Variants in ZNF25 observed in about 807,000 individuals in gnomAD.
ZNF25 encodes zinc finger protein 25 (KOX 19).
Under a neutral mutation model 30.9 loss-of-function variants are expected in ZNF25, and 21 were observed. The observed-to-expected ratio is 0.68, with a 90% CI of 0.48 to 0.98. The LOEUF is 0.98. Among genes scored for constraint, ZNF25 ranks in the 50% least tolerant of loss-of-function variants. The pLI is 0.00. For synonymous variants in ZNF25, 169 were observed against 181.3 expected (o/e 0.93, Z 0.55); for missense variants, 501 against 529.9 (o/e 0.95, Z 0.54).
intron 3 of ZNF25, 45 bp from the exon 4 acceptor site, chr10:37,957,160 T>A: frequency 1.3e-6 from 2 of 1,562,730 alleles, no homozygotes; most frequent in South Asian, 2.2e-5. Flanking sequence ...TTGCTTGGAA[T>A]TTAGGGACTG....
At chr10:37,968,450 G>A (rs1242889723) in intron 2 of ZNF25, among the ~76,000 whole-genome samples, 1 of 150,934 alleles carries the variant, frequency 6.6e-6, no homozygotes, top group African/African-American at 2.4e-5. Context: ...CCACCTCCTC[G>A]GTTCAAGTGA....
intron 4 of ZNF25, among the ~76,000 whole-genome samples, chr10:37,954,803 A>C (rs975487684): frequency 2.3e-4 from 35 of 152,326 alleles, no homozygotes; most frequent in Admixed American, 2.0e-3. Flanking sequence ...GGAATACATA[A>C]GAAAAGTCAC....
intron 2 of ZNF25, among the ~76,000 whole-genome samples, chr10:37,963,143 G>A (rs2062985887): frequency 6.7e-6 from 1 of 150,058 alleles, no homozygotes; most frequent in Non-Finnish European, 1.5e-5. Context: ...TTGAGACAGA[G>A]TCTTGCTCTG....
chr10:37,957,027 G>GC lies in ZNF25; in HGVS notation c.230dup (p.Phe78LeufsTer3). The GC allele has an allele frequency of 6.2e-7, 1 of 1,613,480 alleles. No individual in the cohort carries two copies. The highest frequency in any genetic ancestry group is 8.5e-7 in the Non-Finnish European group (1 of 1,179,710). Reference sequence around the variant, plus strand: ...TAATTTCTTCTAACTCACCAGGGAAGCCCCGATGTGGAAATTCTACTTCTA... The same window carrying GC: ...TAATTTCTTCTAACTCACCAGGGAAGCCCCCGATGTGGAAATTCTACTTCTA... On this transcript the variant is annotated frameshift_variant, in exon 4 of 6. Coordinates refer to ENST00000302609, the MANE Select transcript of ZNF25 (RefSeq NM_145011.4). LOFTEE classifies it high-confidence loss of function.
At chr10:37,974,222 A>G (rs992474303) in intron 1 of ZNF25, among the ~76,000 whole-genome samples, 9 of 152,168 alleles carry the variant, frequency 5.9e-5, no homozygotes, top group Non-Finnish European at 1.2e-4. Flanking sequence ...CTCGGCAAAA[A>G]TTTTTTGGTA....
chr10:37,969,532 A>T (rs188885484), intron 2 of ZNF25, among the ~76,000 whole-genome samples: 56 of 152,346 alleles, frequency 3.7e-4, no homozygotes, highest in Non-Finnish European at 5.3e-4. Flanking sequence ...CTAATGTATG[A>T]TCTCACTTAC....
intron 2 of ZNF25, among the ~76,000 whole-genome samples, chr10:37,968,319 G>A (rs1286417411): frequency 9.3e-5 from 14 of 150,688 alleles, no homozygotes; most frequent in Non-Finnish European, 2.1e-4. Flanking sequence ...GCCTCCCAAA[G>A]TGTTGAGATT....
chr10:37,952,042 A>C lies in ZNF25; in HGVS notation c.*85T>G. The C allele has an allele frequency of 7.6e-7, 1 of 1,308,476 alleles. No individual in the cohort carries two copies. The highest frequency in any genetic ancestry group is 1.0e-6 in the Non-Finnish European group (1 of 957,856). The allele number at this position is 1,308,476 out of a possible 1,614,324, so 81.1% of individuals were successfully genotyped here. ...TGTAGCTGAAAATTTCCCTCTATTG[A>C]TGCGATTCATAAGGTGTACCTCTTG... On this transcript the variant is annotated 3_prime_UTR_variant, in exon 6 of 6. Transcript: ENST00000302609.
intron 2 of ZNF25, among the ~76,000 whole-genome samples, chr10:37,959,279 G>T (rs765108205): frequency 6.6e-6 from 1 of 151,844 alleles, no homozygotes; most frequent in Non-Finnish European, 1.5e-5. Flanking sequence ...ATATAGAGGT[G>T]GCAAATGGCA....
At position 37,950,566 on chromosome 10, in the gene ZNF25, ATT is replaced by A. The variant is rs34503699; in HGVS notation, c.*1559_*1560del. The stretch of plus-strand genomic sequence containing the variant: ...GGGGAATGAATGTTGGGTAGCCAAC[ATT>A]TTTTTTTTTTTTGCAGCGTAATTCA... On this transcript the variant is annotated 3_prime_UTR_variant, in exon 6 of 6. Coordinates refer to ENST00000302609, the MANE Select transcript of ZNF25 (RefSeq NM_145011.4). 0.22 allele frequency: 32,019 copies of A among 146,564 alleles called. 3,533 individuals carry two copies. The highest frequency in any genetic ancestry group is 0.4 in the East Asian group (2,031 of 5,026). The allele number at this position is 146,564 out of a possible 1,614,324, so 9.1% of individuals were successfully genotyped here.
intron 2 of ZNF25, among the ~76,000 whole-genome samples, chr10:37,961,120 A>C (rs539217992): frequency 1.6e-4 from 25 of 152,208 alleles, no homozygotes; most frequent in Non-Finnish European, 2.9e-4. Context: ...AGCTGATGAA[A>C]AGACCCTACC....
At position 37,971,752 on chromosome 10, in the gene ZNF25, C is replaced by T. The variant is rs2063506048; in HGVS notation, c.-30G>A. The T allele has an allele frequency of 8.7e-6, 14 of 1,613,778 alleles. No individual in the cohort carries two copies. The highest frequency in any genetic ancestry group is 1.2e-5 in the Non-Finnish European group (14 of 1,180,004). On this transcript the variant is annotated 5_prime_UTR_variant, in exon 2 of 6. Coordinates refer to ENST00000302609, the MANE Select transcript of ZNF25 (RefSeq NM_145011.4). The stretch of plus-strand genomic sequence containing the variant: ...TGCTGCTCTTGGGAAAGGCTGAAAA[C>T]TGCAAAGCCAGAGCAGAAATCATAA...
At chr10:37,961,412 T>C (rs1016229443) in intron 2 of ZNF25, among the ~76,000 whole-genome samples, 5 of 152,116 alleles carry the variant, frequency 3.3e-5, no homozygotes, top group Admixed American at 3.3e-4. Flanking sequence ...TAGAACCAAA[T>C]GTTAAAAGAC....
chr10:37,951,968 T>C lies in ZNF25; in HGVS notation c.*159A>G. The C allele has an allele frequency of 1.8e-6, 1 of 543,980 alleles. No homozygotes were observed. The highest frequency in any genetic ancestry group is 3.2e-5 in the East Asian group (1 of 31,486). 33.7% of individuals were successfully genotyped at this position (543,980 alleles called of 1,614,324 possible). A position where few individuals can be genotyped will look rare whatever the true frequency, so the allele number is the denominator to read the frequency against. On this transcript the variant is annotated 3_prime_UTR_variant, in exon 6 of 6. Transcript: ENST00000302609. The stretch of plus-strand genomic sequence containing the variant: ...ATGATAAAATTTTCTCCCAAATAAA[T>C]GTACAGAATCTCTCTATGTATTTGC...
chr10:37,957,360 C>T, intron 3 of ZNF25, 60 bp downstream of exon 3: 1 of 1,570,152 alleles, frequency 6.4e-7, no homozygotes, highest in Non-Finnish European at 8.7e-7. Context: ...TTTTATACTC[C>T]AGTAACTGAG....
chr10:37,971,562 G>A (rs2063489110), intron 2 of ZNF25, 146 bp downstream of exon 2: 137 of 1,359,466 alleles, frequency 1.0e-4, no homozygotes, highest in Non-Finnish European at 1.3e-4. Context: ...TATTTTGCCT[G>A]TAGGTGATTT....
intron 1 of ZNF25, among the ~76,000 whole-genome samples, chr10:37,976,165 G>GGA (rs1440294477): frequency 2.6e-5 from 4 of 152,218 alleles, no homozygotes; most frequent in African/African-American, 7.2e-5. Flanking sequence ...AGCCGCACTG[G>GGA]GACCACCTAC....
rs549854061 is a variant in ZNF25, at chr10:37,962,472, T to C, written c.16-4926A>G. Among the ~76,000 whole-genome samples the C allele has an allele frequency of 4.6e-5, 7 of 152,310 alleles. No individual in the cohort carries two copies. The South Asian group carries it at 1.2e-3, about 27-fold the overall frequency. ...GACCATTTTCTGGGCCAGAAAAATA[T>C]CTTAAACTGAAAGAATTGAAATCTA... On this transcript the variant is annotated intron_variant, in intron 2 of 5. Transcript: ENST00000302609.
At chr10:37,972,424 T>C (rs898399361) in intron 1 of ZNF25, among the ~76,000 whole-genome samples, 2 of 152,204 alleles carry the variant, frequency 1.3e-5, no homozygotes, top group Non-Finnish European at 2.9e-5. Flanking sequence ...AGGAATTAGA[T>C]AATCTTGCAC....
Sources: allele counts gnomAD v4.1 joint callset (sites outside exome capture counted in the v4.1 genomes callset), GRCh38; gene constraint gnomAD v4.1.1; transcripts MANE v1.5; gene names NCBI Gene and HGNC (gene_info 2026-07-23, HGNC 2026-07-21).